TAFA2: variants seen among roughly 807,000 people sequenced by gnomAD.
TAFA2 encodes the protein chemokine-like protein TAFA-2.
TAFA2 carries 7 observed loss-of-function variants against 18.8 expected under a neutral mutation model. The ratio of observed to expected loss-of-function variants is 0.37; its 90% CI spans 0.21 to 0.70. The LOEUF is 0.70. Among genes scored for constraint, TAFA2 ranks in the 30% least tolerant of loss-of-function variants. The pLI is 0.53. For missense variants in TAFA2, 122 were observed against 158.1 expected (o/e 0.77, Z 1.23); for synonymous variants, 60 against 54.2 (o/e 1.11, Z -0.47).
chr12:61,717,930 G>A (rs1869733109), intron 4 of TAFA2, among the ~76,000 whole-genome samples: 1 of 152,128 alleles, frequency 6.6e-6, no homozygotes, highest in African/African-American at 2.4e-5. Flanking sequence ...GTGAGCTTCT[G>A]ACTCACTTCT....
intron 1 of TAFA2, among the ~76,000 whole-genome samples, chr12:61,966,006 A>G (rs757652931): frequency 6.6e-6 from 1 of 151,878 alleles, no homozygotes; most frequent in Non-Finnish European, 1.5e-5. Context: ...GGGGTATTTT[A>G]AATAACATCG....
intron 2 of TAFA2, among the ~76,000 whole-genome samples, chr12:61,789,993 T>C (rs879838545): frequency 1.3e-5 from 2 of 151,728 alleles, no homozygotes; most frequent in Admixed American, 6.6e-5. Flanking sequence ...CTGAATTCAA[T>C]AGCACATGAT....
At chr12:61,763,403 G>A (rs879000617) in intron 2 of TAFA2, among the ~76,000 whole-genome samples, 32 of 152,016 alleles carry the variant, frequency 2.1e-4, no homozygotes, top group African/African-American at 6.5e-4. Flanking sequence ...AAGAGAAAGC[G>A]ACAAAACAAA....
intron 2 of TAFA2, among the ~76,000 whole-genome samples, chr12:61,818,490 TACAC>T (rs3034071): frequency 0.064 from 8,942 of 140,722 alleles, 472 homozygotes; most frequent in African/African-American, 0.16. Flanking sequence ...CTCAAAAAAA[TACAC>T]ACACACACAC....
chr12:62,136,652 C>T (rs1412622161), intron 1 of TAFA2, among the ~76,000 whole-genome samples: 2 of 152,052 alleles, frequency 1.3e-5, no homozygotes, highest in Non-Finnish European at 2.9e-5. Flanking sequence ...GTTGAGGGAA[C>T]CAAAGACAGA....
At chr12:62,096,317 G>C (rs548367027) in intron 1 of TAFA2, among the ~76,000 whole-genome samples, 1 of 152,122 alleles carries the variant, frequency 6.6e-6, no homozygotes, top group African/African-American at 2.4e-5. Context: ...AGTCACATAA[G>C]TACTATAGAG....
At chr12:62,044,012 C>T (rs1881839845) in intron 1 of TAFA2, among the ~76,000 whole-genome samples, 1 of 152,190 alleles carries the variant, frequency 6.6e-6, no homozygotes, top group East Asian at 1.9e-4. Context: ...CTATTAATTA[C>T]TCTCGAGGCT....
intron 2 of TAFA2, among the ~76,000 whole-genome samples, chr12:61,827,586 T>A (rs913652377): frequency 6.6e-6 from 1 of 151,990 alleles, no homozygotes; most frequent in Non-Finnish European, 1.5e-5. Flanking sequence ...GCAGTAGTCA[T>A]CAGTAGTCAT....
chr12:62,030,468 G>A (rs1046400470), intron 1 of TAFA2, among the ~76,000 whole-genome samples: 8 of 152,130 alleles, frequency 5.3e-5, no homozygotes, highest in Admixed American at 5.2e-4. Flanking sequence ...CAAAAGTAGT[G>A]TAAGGGAGTT....
chr12:61,773,930 A>G (rs1206159652), intron 2 of TAFA2, among the ~76,000 whole-genome samples: 1 of 152,126 alleles, frequency 6.6e-6, no homozygotes, highest in African/African-American at 2.4e-5. Context: ...ACAGAGTGGG[A>G]GAAAATATTC....
At chr12:61,877,337 C>T (rs10877755) in intron 1 of TAFA2, among the ~76,000 whole-genome samples, 7,921 of 152,148 alleles carry the variant, frequency 0.052, 694 homozygotes, top group African/African-American at 0.18. Flanking sequence ...TAACATTTTC[C>T]TTATGGATGA....
At chr12:61,974,842 TA>T (rs1164595533) in intron 1 of TAFA2, among the ~76,000 whole-genome samples, 2 of 151,736 alleles carry the variant, frequency 1.3e-5, no homozygotes, top group Non-Finnish European at 2.9e-5. Context: ...GACTGCCTGG[TA>T]AAAAGCCTCT....
intron 1 of TAFA2, among the ~76,000 whole-genome samples, chr12:61,996,744 T>G (rs1257762975): frequency 6.6e-6 from 1 of 152,150 alleles, no homozygotes; most frequent in East Asian, 1.9e-4. Flanking sequence ...CCAAATAAGC[T>G]ACCTGTATGA....
At chr12:61,966,003 T>C (rs1005960386) in intron 1 of TAFA2, among the ~76,000 whole-genome samples, 2 of 151,868 alleles carry the variant, frequency 1.3e-5, no homozygotes, top group African/African-American at 4.8e-5. Context: ...TTTGGGGTAT[T>C]TTAAATAACA....
intron 2 of TAFA2, among the ~76,000 whole-genome samples, chr12:61,816,246 C>G (rs1360947020): frequency 6.6e-6 from 1 of 151,290 alleles, no homozygotes; most frequent in Non-Finnish European, 1.5e-5. Context: ...TCATCATTAG[C>G]TCCCACTTGT....
intron 1 of TAFA2, among the ~76,000 whole-genome samples, chr12:62,115,495 A>C (rs1869924495): frequency 6.6e-6 from 1 of 152,130 alleles, no homozygotes; most frequent in Non-Finnish European, 1.5e-5. Flanking sequence ...AAATATACGG[A>C]ATATAGAGTG....
At chr12:62,045,043 G>A (rs752020471) in intron 1 of TAFA2, among the ~76,000 whole-genome samples, 7 of 152,260 alleles carry the variant, frequency 4.6e-5, no homozygotes, top group South Asian at 2.1e-4. Context: ...TGAATCATCC[G>A]TTAGATATAG....
At chr12:62,181,752 A>C (rs2062552928) in intron 1 of TAFA2, among the ~76,000 whole-genome samples, 1 of 152,226 alleles carries the variant, frequency 6.6e-6, no homozygotes, top group Non-Finnish European at 1.5e-5. Flanking sequence ...TACCTTAGCT[A>C]TGACACCTTC....
intron 1 of TAFA2, chr12:62,235,315 G>A: frequency 1.5e-6 from 1 of 669,310 alleles, no homozygotes; most frequent in East Asian, 2.5e-5. Flanking sequence ...GGGGCCCTCG[G>A]CATCTCTGTC....
Sources: gnomAD v4.1 joint callset for allele counts (sites outside exome capture counted in the v4.1 genomes callset) on GRCh38, gnomAD v4.1.1 for gene constraint, MANE v1.5 for transcripts, NCBI Gene and HGNC (gene_info 2026-07-23, HGNC 2026-07-21) for gene names.